ANKS1A: variants seen among roughly 807,000 people sequenced by gnomAD.
ANKS1A encodes ankyrin repeat and SAM domain-containing protein 1A.
ANKS1A carries 55 observed loss-of-function variants against 120.3 expected under a neutral mutation model. That is an observed-to-expected ratio of 0.46 (90% CI 0.37 to 0.57). The LOEUF (loss-of-function observed/expected upper bound fraction) is 0.57, where lower values mean the gene tolerates loss of function less well. ANKS1A is among the 20% of genes least tolerant of loss of function. The pLI is 0.00. For synonymous variants in ANKS1A, 590 were observed against 604.7 expected (o/e 0.98, Z 0.36); for missense variants, 1,123 against 1,480.3 (o/e 0.76, Z 3.96).
In ANKS1A at chr6:34,920,766, A is replaced by G. The variant is rs1000683079; in HGVS notation, c.197+31167A>G. On this transcript the variant is annotated intron_variant, in intron 1 of 23. Coordinates refer to ENST00000360359, the MANE Select transcript of ANKS1A (RefSeq NM_015245.3). ...AATAAAAGAATGATGTAAAGTGCTC[A>G]GAGTCATTCGGCTCTAACCTGGTTC... is the stretch of plus-strand genomic sequence containing the variant. 4.4e-4 allele frequency among the ~76,000 whole-genome samples: 67 copies of G among 152,224 alleles called. 1 individual carries two copies. The highest frequency in any genetic ancestry group is 1.6e-3 in the African/African-American group (67 of 41,454).
chr6:35,045,218 ACTC>A (rs1394227902), intron 11 of ANKS1A, among the ~76,000 whole-genome samples: 2 of 152,016 alleles, frequency 1.3e-5, no homozygotes, highest in Non-Finnish European at 2.9e-5. Flanking sequence ...TAATAAATTA[ACTC>A]CTCATTAGAG....
At chr6:35,028,260 G>T (rs1022993196) in intron 11 of ANKS1A, among the ~76,000 whole-genome samples, 1 of 152,172 alleles carries the variant, frequency 6.6e-6, no homozygotes, top group Non-Finnish European at 1.5e-5. Flanking sequence ...TGGGCCCTCT[G>T]TACTGGGCCA....
At chr6:34,935,619 A>G (rs1581715107) in intron 1 of ANKS1A, among the ~76,000 whole-genome samples, 1 of 152,150 alleles carries the variant, frequency 6.6e-6, no homozygotes, top group South Asian at 2.1e-4. Context: ...AAGGCATAAC[A>G]TAAATTAATG....
At chr6:34,944,053 C>G (rs768564576) in intron 1 of ANKS1A, among the ~76,000 whole-genome samples, 6 of 152,174 alleles carry the variant, frequency 3.9e-5, no homozygotes, top group Non-Finnish European at 7.3e-5. Flanking sequence ...GCGGGCAGAT[C>G]ATGAGGTCAG....
rs917792832 is a variant in ANKS1A at position 34,889,904 on chromosome 6, A to C, written c.197+305A>C. Among the ~76,000 whole-genome samples the C allele has an allele frequency of 1.3e-5, 2 of 151,974 alleles. No individual in the cohort carries two copies. Among genetic ancestry groups the C allele is most frequent in the Non-Finnish European group, 2.9e-5 (2 of 67,996 alleles). On this transcript the variant is annotated intron_variant, in intron 1 of 23. Coordinates refer to ENST00000360359, the MANE Select transcript of ANKS1A (RefSeq NM_015245.3). This position sits in a 1 kb window ranked among gnomAD's most constrained non-coding sequence, Gnocchi z 5.5. The stretch of plus-strand genomic sequence containing the variant: ...TCTCGCTCGCTACAGGGTGCCAGCT[A>C]TCGTAGCTCACAAAAGCCAATTAAG...
intron 1 of ANKS1A, among the ~76,000 whole-genome samples, chr6:34,930,818 T>G (rs1414585584): frequency 6.6e-6 from 1 of 152,096 alleles, no homozygotes; most frequent in Non-Finnish European, 1.5e-5. Flanking sequence ...TCATCAGAAA[T>G]GACACTTCTT....
intron 11 of ANKS1A, among the ~76,000 whole-genome samples, chr6:35,039,089 T>TG (rs200148265): frequency 0.15 from 6,216 of 41,162 alleles, 169 homozygotes; most frequent in Admixed American, 0.32. Context: ...TGTGTGTGTG[T>TG]GTGGGGGGGG....
At chr6:34,924,884 G>A (rs1768629216) in intron 1 of ANKS1A, among the ~76,000 whole-genome samples, 1 of 152,158 alleles carries the variant, frequency 6.6e-6, no homozygotes, top group Non-Finnish European at 1.5e-5. Flanking sequence ...GCCTCCCGAA[G>A]TGCTGGGATT....
intron 11 of ANKS1A, 48 bp from the exon 12 acceptor site, chr6:35,054,051 T>C: frequency 6.4e-7 from 1 of 1,557,480 alleles, no homozygotes; most frequent in South Asian, 1.1e-5. Flanking sequence ...TGGTAAGGTT[T>C]ACCCCAAGCC....
intron 3 of ANKS1A, among the ~76,000 whole-genome samples, chr6:34,976,136 CA>C (rs748181297): frequency 4.1e-4 from 36 of 87,584 alleles, no homozygotes; most frequent in South Asian, 9.1e-4. Context: ...GACTCCATCT[CA>C]AAAAAAAAAA....
intron 1 of ANKS1A, among the ~76,000 whole-genome samples, chr6:34,915,868 G>A (rs560118948): frequency 6.6e-6 from 1 of 152,066 alleles, no homozygotes; most frequent in South Asian, 2.1e-4. Context: ...GGCAGAGCTG[G>A]TACTCTTTGT....
intron 11 of ANKS1A, among the ~76,000 whole-genome samples, chr6:35,024,894 C>T (rs1774534392): frequency 6.6e-6 from 1 of 152,128 alleles, no homozygotes; most frequent in South Asian, 2.1e-4. Flanking sequence ...ACTAAATTTC[C>T]CACGCCATAT....
intron 1 of ANKS1A, among the ~76,000 whole-genome samples, chr6:34,897,609 T>A (rs1297008070): frequency 2.0e-5 from 3 of 152,136 alleles, no homozygotes; most frequent in East Asian, 3.8e-4. Flanking sequence ...ATTGGGAGAT[T>A]TTCTGTGGTA....
chr6:35,006,497 G>C (rs970682519), intron 10 of ANKS1A, among the ~76,000 whole-genome samples: 2 of 152,176 alleles, frequency 1.3e-5, no homozygotes, highest in African/African-American at 4.8e-5. Flanking sequence ...GCTCACGCCT[G>C]TAATCCCAGC....
At chr6:35,083,309 G>A in intron 19 of ANKS1A, 83 bp downstream of exon 19, 1 of 1,597,212 alleles carries the variant, frequency 6.3e-7, no homozygotes, top group Non-Finnish European at 8.6e-7. Flanking sequence ...CAGTTGCCTG[G>A]GCCCTGCTGC....
rs1777581147 is a variant in ANKS1A, at chr6:35,079,922, G to A, written c.2538G>A (p.Gln846=). 5.8e-6 allele frequency: 9 copies of A among 1,556,270 alleles called. No individual in the cohort carries two copies. The highest frequency in any genetic ancestry group is 7.8e-6 in the Non-Finnish European group (9 of 1,149,638). The change falls in exon 16 of 24, where the codon CAG becomes CAA. Residue 846 remains glutamine (Q), a synonymous_variant. Transcript: ENST00000360359. ...EPPQKPPRFS[Q]LRCQDLLSQT... ...CCCAGAAGCCCCCCAGATTCTCCCA[G>A]CTGAGGGTGAGTCGGGGAGGGACAG... is the stretch of plus-strand genomic sequence containing the variant.
At chr6:34,903,628 G>A (rs982328353) in intron 1 of ANKS1A, among the ~76,000 whole-genome samples, 1 of 152,098 alleles carries the variant, frequency 6.6e-6, no homozygotes, top group Non-Finnish European at 1.5e-5. Context: ...CTCCCGAGTA[G>A]CTGGGACTAC....
intron 1 of ANKS1A, among the ~76,000 whole-genome samples, chr6:34,903,187 C>G (rs181593313): frequency 6.6e-6 from 1 of 152,140 alleles, no homozygotes; most frequent in East Asian, 1.9e-4. Flanking sequence ...CCACTGTAAT[C>G]CATAAAACCC....
At chr6:34,941,196 C>T (rs978404543) in intron 1 of ANKS1A, among the ~76,000 whole-genome samples, 46 of 152,182 alleles carry the variant, frequency 3.0e-4, no homozygotes, top group African/African-American at 5.1e-4. Flanking sequence ...CCATGTTGGT[C>T]GGGCTGGTCT....
Sources: gnomAD v4.1 joint callset for allele counts (sites outside exome capture counted in the v4.1 genomes callset) on GRCh38, gnomAD v4.1.1 for gene constraint, Gnocchi (gnomAD v3.1) non-coding constraint, MANE v1.5 for transcripts, NCBI Gene and HGNC (gene_info 2026-07-23, HGNC 2026-07-21) for gene names.